Variants in AKT3 observed in about 807,000 individuals in gnomAD.
AKT3 encodes the protein RAC-gamma serine/threonine-protein kinase.
In AKT3, 15 loss-of-function variants were observed where a neutral mutation model predicts 65.3. That is an observed-to-expected ratio of 0.23 (90% CI 0.15 to 0.35). AKT3 has a LOEUF of 0.35. Among genes scored for constraint, AKT3 ranks in the 10% least tolerant of loss-of-function variants. AKT3 has a pLI of 1.00. For missense variants in AKT3, 243 were observed against 576.5 expected, an observed-to-expected ratio of 0.42 and a Z score of 5.92; for synonymous variants, 206 against 183.8, an observed-to-expected ratio of 1.12 and a Z score of -0.98.
rs576073518 is a variant in AKT3, at chr1:243,656,427, T to C, written c.284+8345A>G. ...CAGTCTGATGGGGGAGCCTTGGTAT[T>C]GTGGGGAAGTATAATAAAATGTTAT... On this transcript the variant is annotated intron_variant, in intron 4 of 13. Transcript: ENST00000673466. Among the ~76,000 whole-genome samples, 10 of 152,226 alleles carry C rather than the reference T, an allele frequency of 6.6e-5. No homozygotes were observed. The South Asian group carries it at 1.2e-3, about 19-fold the overall frequency.
rs765819760 is a variant in AKT3 at position 243,664,903 on chromosome 1, T to C, written c.173-20A>G. ...GGCATTCTAAGAATAAAATAAAATG[T>C]TTCTTTAAATATGGATATATTTAAA... is the stretch of plus-strand genomic sequence containing the variant. On this transcript the variant is annotated intron_variant, in intron 3 of 13. Coordinates refer to ENST00000673466, the MANE Select transcript of AKT3 (RefSeq NM_005465.7). 3 of 1,356,088 alleles carry C rather than the reference T, an allele frequency of 2.2e-6. No homozygotes were observed. The highest frequency in any genetic ancestry group is 2.0e-6 in the Non-Finnish European group (2 of 984,708). The allele number at this position is 1,356,088 out of a possible 1,614,324, so 84.0% of individuals were successfully genotyped here.
At chr1:243,788,389 C>T (rs1691400207) in intron 2 of AKT3, among the ~76,000 whole-genome samples, 1 of 152,084 alleles carries the variant, frequency 6.6e-6, no homozygotes, top group Non-Finnish European at 1.5e-5. Context: ...ATAGAATTTC[C>T]ACTATAAATT....
chr1:243,775,867 T>C (rs1020552458), intron 2 of AKT3, among the ~76,000 whole-genome samples: 2 of 152,132 alleles, frequency 1.3e-5, no homozygotes, highest in Admixed American at 6.5e-5. Context: ...AAACCCGATC[T>C]ATCAATTAAA....
At chr1:243,685,173 A>G (rs890202947) in intron 3 of AKT3, among the ~76,000 whole-genome samples, 1 of 152,036 alleles carries the variant, frequency 6.6e-6, no homozygotes, top group African/African-American at 2.4e-5. Flanking sequence ...CCCGTTTGTC[A>G]ATTTTGGCTT....
chr1:243,550,646 A>C (rs796300021), intron 11 of AKT3, among the ~76,000 whole-genome samples: 21 of 152,064 alleles, frequency 1.4e-4, no homozygotes, highest in African/African-American at 5.1e-4. Flanking sequence ...AGACCAAAAA[A>C]TGAAATAGAT....
chr1:243,587,348 C>T (rs138365564), intron 8 of AKT3, among the ~76,000 whole-genome samples: 40 of 152,262 alleles, frequency 2.6e-4, no homozygotes, highest in African/African-American at 8.7e-4. Context: ...CAGTGGCTCA[C>T]GCCTGTAATC....
intron 7 of AKT3, 127 bp downstream of exon 7, chr1:243,614,969 C>T (rs1249041892): frequency 1.4e-6 from 1 of 708,424 alleles, no homozygotes; most frequent in Non-Finnish European, 2.3e-6. Flanking sequence ...AGAAATTTGA[C>T]TTACGTTCTT....
intron 13 of AKT3, among the ~76,000 whole-genome samples, chr1:243,492,487 A>G (rs1326288686): frequency 6.6e-6 from 1 of 150,858 alleles, no homozygotes; most frequent in Non-Finnish European, 1.5e-5. Context: ...TATTTTTAAT[A>G]GAAACGGGGT....
At position 243,620,389 on chromosome 1, in the gene AKT3, AT is replaced by A. The variant is rs1346824110; in HGVS notation, c.562-5229del. On this transcript the variant is annotated intron_variant, in intron 6 of 13. Coordinates refer to ENST00000673466, the MANE Select transcript of AKT3 (RefSeq NM_005465.7). The stretch of plus-strand genomic sequence containing the variant: ...GTGAGAATGAACTAATACAGATGAT[AT>A]CACATTGTGGTTTTGATTTGCATTT... 1.0e-3 allele frequency among the ~76,000 whole-genome samples: 132 copies of A among 130,754 alleles called. 6 individuals are homozygous for A. Among genetic ancestry groups the A allele is most frequent in the Middle Eastern group, 3.9e-3 (1 of 258 alleles). 85.8% of individuals were successfully genotyped at this position (130,754 alleles called of 152,430 possible).
chr1:243,699,486 T>C (rs1017550513), intron 2 of AKT3, among the ~76,000 whole-genome samples: 15 of 24,238 alleles, frequency 6.2e-4, no homozygotes, highest in Non-Finnish European at 2.0e-3. Context: ...TATATATATA[T>C]ATATATATAT....
At chr1:243,783,646 C>T (rs574427848) in intron 2 of AKT3, among the ~76,000 whole-genome samples, 96 of 152,216 alleles carry the variant, frequency 6.3e-4, no homozygotes, top group Admixed American at 1.4e-3. Flanking sequence ...TGAAAAAGTA[C>T]GACAAAGCTA....
At chr1:243,558,418 T>C (rs973661674) in intron 10 of AKT3, among the ~76,000 whole-genome samples, 1 of 152,042 alleles carries the variant, frequency 6.6e-6, no homozygotes, top group Non-Finnish European at 1.5e-5. Context: ...TGCAAGATAT[T>C]AAAGATAGTA....
chr1:243,652,237 T>C (rs1309573045), intron 4 of AKT3, among the ~76,000 whole-genome samples: 3 of 151,570 alleles, frequency 2.0e-5, no homozygotes, highest in East Asian at 1.9e-4. Flanking sequence ...TCTGGTAGAG[T>C]TGGGGTTTTG....
intron 4 of AKT3, among the ~76,000 whole-genome samples, chr1:243,657,037 T>C (rs1026840829): frequency 1.3e-5 from 2 of 152,200 alleles, no homozygotes; most frequent in African/African-American, 4.8e-5. Flanking sequence ...ATTGTTATTG[T>C]CTGCAGATAC....
At chr1:243,579,183 A>G (rs574591676) in intron 8 of AKT3, among the ~76,000 whole-genome samples, 1 of 152,324 alleles carries the variant, frequency 6.6e-6, no homozygotes, top group East Asian at 1.9e-4. Flanking sequence ...ATGGGGACAG[A>G]GGAGCAATGG....
chr1:243,540,301 G>A (rs1040979669), intron 12 of AKT3, among the ~76,000 whole-genome samples: 1 of 151,934 alleles, frequency 6.6e-6, no homozygotes, highest in Non-Finnish European at 1.5e-5. Context: ...GAAAATCAAT[G>A]TTAATTCACC....
At chr1:243,629,700 G>A (rs1226160934) in intron 6 of AKT3, among the ~76,000 whole-genome samples, 1 of 152,184 alleles carries the variant, frequency 6.6e-6, no homozygotes, top group Non-Finnish European at 1.5e-5. Context: ...GCTGAGGCAG[G>A]AGAATGGCGT....
intron 2 of AKT3, among the ~76,000 whole-genome samples, chr1:243,724,423 A>G (rs960733123): frequency 1.3e-5 from 2 of 152,178 alleles, no homozygotes; most frequent in African/African-American, 2.4e-5. Context: ...AAGACCAAAA[A>G]CAGAGAATCA....
intron 2 of AKT3, among the ~76,000 whole-genome samples, chr1:243,827,365 A>G (rs1472328349): frequency 5.9e-5 from 9 of 152,154 alleles, no homozygotes; most frequent in Admixed American, 5.9e-4. Flanking sequence ...TTCTTGATTT[A>G]TCACCTATTA....
Sources: allele counts gnomAD v4.1 joint callset (sites outside exome capture counted in the v4.1 genomes callset), GRCh38; gene constraint gnomAD v4.1.1; transcripts MANE v1.5; gene names NCBI Gene and HGNC (gene_info 2026-07-23, HGNC 2026-07-21).